The following SYT1 variants were observed in gnomAD, a reference collection of about 807,000 sequenced individuals.
SYT1 encodes the protein synaptotagmin 1.
In SYT1, 8 loss-of-function variants were observed where a neutral mutation model predicts 44.8. That is an observed-to-expected ratio of 0.18 (90% CI 0.10 to 0.32). SYT1 has a LOEUF of 0.32. Among genes scored for constraint, SYT1 ranks in the 10% least tolerant of loss-of-function variants. SYT1 has a pLI of 1.00. For missense variants in SYT1, 286 were observed against 509.3 expected (o/e 0.56, Z 4.22); for synonymous variants, 154 against 188.8 (o/e 0.82, Z 1.51).
chr12:79,130,527 T>C (rs182726603), intron 3 of SYT1, among the ~76,000 whole-genome samples: 14 of 152,316 alleles, frequency 9.2e-5, no homozygotes, highest in Admixed American at 3.3e-4. Context: ...AAATTTTGTA[T>C]GGCAAAGAGC....
intron 1 of SYT1, among the ~76,000 whole-genome samples, chr12:78,867,636 G>T (rs914738067): frequency 2.6e-5 from 4 of 151,858 alleles, no homozygotes; most frequent in African/African-American, 9.7e-5. Flanking sequence ...TGTCAGAATT[G>T]AAGACTGCTA....
intron 1 of SYT1, among the ~76,000 whole-genome samples, chr12:78,942,252 G>C (rs1878417754): frequency 6.6e-6 from 1 of 152,110 alleles, no homozygotes; most frequent in Non-Finnish European, 1.5e-5. Flanking sequence ...CATTACTGCA[G>C]ACAATGACTG....
chr12:79,190,863 A>G (rs1873075140), intron 3 of SYT1, among the ~76,000 whole-genome samples: 1 of 152,004 alleles, frequency 6.6e-6, no homozygotes, highest in African/African-American at 2.4e-5. Flanking sequence ...TGATAGAGTA[A>G]TATATTACAT....
At chr12:79,374,019 A>G (rs1254105355) in intron 9 of SYT1, among the ~76,000 whole-genome samples, 1 of 152,212 alleles carries the variant, frequency 6.6e-6, no homozygotes, top group Non-Finnish European at 1.5e-5. Flanking sequence ...CATAAAGCGC[A>G]ATACATAGAA....
chr12:79,220,926 G>T (rs2062962545), intron 4 of SYT1, among the ~76,000 whole-genome samples: 2 of 152,130 alleles, frequency 1.3e-5, no homozygotes, highest in Admixed American at 6.5e-5. Flanking sequence ...AGAATAATCT[G>T]TATGTCTGTT....
At chr12:79,011,026 CA>C (rs1371578607) in intron 2 of SYT1, among the ~76,000 whole-genome samples, 4 of 152,072 alleles carry the variant, frequency 2.6e-5, no homozygotes, top group African/African-American at 4.8e-5. Context: ...GTCATTATGC[CA>C]ATCATTGTTG....
intron 1 of SYT1, among the ~76,000 whole-genome samples, chr12:78,869,835 G>A (rs1873727626): frequency 6.6e-6 from 1 of 152,032 alleles, no homozygotes; most frequent in South Asian, 2.1e-4. Flanking sequence ...TAATGCAAAT[G>A]AGAGGTCAAA....
intron 3 of SYT1, among the ~76,000 whole-genome samples, chr12:79,066,521 C>A (rs1875871547): frequency 6.6e-6 from 1 of 151,234 alleles, no homozygotes. Context: ...GACATGGAGG[C>A]CATATCATCA....
At chr12:79,159,604 G>A (rs574693085) in intron 3 of SYT1, among the ~76,000 whole-genome samples, 3 of 152,088 alleles carry the variant, frequency 2.0e-5, no homozygotes, top group Admixed American at 1.3e-4. Context: ...CTTTATCATA[G>A]GTATGTATAT....
At chr12:78,919,384 A>C (rs1876853441) in intron 1 of SYT1, among the ~76,000 whole-genome samples, 1 of 152,070 alleles carries the variant, frequency 6.6e-6, no homozygotes, top group South Asian at 2.1e-4. Context: ...CAGGGAGCTG[A>C]ACACAAAGCT....
intron 8 of SYT1, among the ~76,000 whole-genome samples, chr12:79,334,776 T>A (rs1049755773): frequency 6.6e-6 from 1 of 152,208 alleles, no homozygotes; most frequent in African/African-American, 2.4e-5. Context: ...TGGCATCATC[T>A]TCATAGGTTG....
intron 9 of SYT1, among the ~76,000 whole-genome samples, chr12:79,367,980 T>TATACACCA (rs1221253954): frequency 6.6e-6 from 1 of 151,954 alleles, no homozygotes; most frequent in Non-Finnish European, 1.5e-5. Flanking sequence ...TGTATACATG[T>TATACACCA]GCCATGCTGG....
rs140421934 is a variant in SYT1 at position 79,209,951 on chromosome 12, T to G, written c.-17-7552T>G. 6.5e-3 allele frequency among the ~76,000 whole-genome samples: 992 copies of G among 152,298 alleles called. 8 individuals are homozygous for G. The highest frequency in any genetic ancestry group is 0.04 in the South Asian group (195 of 4,822). On this transcript the variant is annotated intron_variant, in intron 3 of 10. Coordinates refer to ENST00000261205, the MANE Select transcript of SYT1 (RefSeq NM_005639.3). ...ATTAGAAGACTTTTTTTAGTAATAT[T>G]TTTTCGACCTCCTCCTGTATGTGCT... is the stretch of plus-strand genomic sequence containing the variant.
chr12:79,353,520 A>G lies in SYT1; in HGVS notation c.829A>G (p.Ile277Val). 2 of 1,613,988 alleles carry G rather than the reference A, an allele frequency of 1.2e-6. No homozygotes were observed. Among genetic ancestry groups the G allele is most frequent in the Non-Finnish European group, 1.7e-6 (2 of 1,179,832 alleles). ...EKEEQEKLGD[I>V]CFSLRYVPTA... The stretch of plus-strand genomic sequence containing the variant: ...TTCTTAGCAAGAGAAATTGGGTGAT[A>G]TCTGCTTCTCCCTTCGCTACGTACC... The change falls in exon 9 of 11, where the codon ATC becomes GTC. Residue 277 changes from isoleucine to valine, a missense_variant. Coordinates refer to ENST00000261205, the MANE Select transcript of SYT1 (RefSeq NM_005639.3).
At chr12:79,427,028 T>C (rs1277700963) in intron 9 of SYT1, among the ~76,000 whole-genome samples, 1 of 152,200 alleles carries the variant, frequency 6.6e-6, no homozygotes, top group Non-Finnish European at 1.5e-5. Flanking sequence ...TGATTGTAAG[T>C]TTCCTGAGGC....
chr12:78,919,482 C>T (rs994562773), intron 1 of SYT1, among the ~76,000 whole-genome samples: 3 of 152,056 alleles, frequency 2.0e-5, no homozygotes, highest in African/African-American at 7.2e-5. Context: ...CTGGGCTGTC[C>T]TGCCATGAAT....
intron 1 of SYT1, among the ~76,000 whole-genome samples, chr12:78,911,334 G>C (rs896747421): frequency 3.9e-5 from 6 of 151,932 alleles, no homozygotes; most frequent in African/African-American, 1.4e-4. Context: ...TATTGGTTGA[G>C]AGCTCAGAGA....
At chr12:79,298,198 A>T (rs750239519) in intron 7 of SYT1, among the ~76,000 whole-genome samples, 1 of 152,074 alleles carries the variant, frequency 6.6e-6, no homozygotes, top group Non-Finnish European at 1.5e-5. Context: ...TAACATTTTC[A>T]AGGGTTTATC....
chr12:79,448,213 T>G (rs2136210441), intron 10 of SYT1, among the ~76,000 whole-genome samples: 1 of 152,328 alleles, frequency 6.6e-6, no homozygotes, highest in South Asian at 2.1e-4. Flanking sequence ...TAGCCTAAAC[T>G]GATATTTCCA....
Sources: gnomAD v4.1 joint callset for allele counts (sites outside exome capture counted in the v4.1 genomes callset) on GRCh38, gnomAD v4.1.1 for gene constraint, MANE v1.5 for transcripts, NCBI Gene and HGNC (gene_info 2026-07-23, HGNC 2026-07-21) for gene names.